ERICH1: variants seen among roughly 807,000 people sequenced by gnomAD.
ERICH1 encodes glutamate rich 1, also known as glutamate-rich protein 1.
A neutral mutation model predicts 39.6 loss-of-function variants in ERICH1; 56 were observed. That is an observed-to-expected ratio of 1.41 (90% CI 1.14 to 1.77). The LOEUF (loss-of-function observed/expected upper bound fraction) is 1.77. Among genes scored for constraint, ERICH1 ranks in the 40% most tolerant of loss-of-function variants. The probability of loss-of-function intolerance (pLI) is 0.00; values close to 1 mark genes in which losing one functional copy is unlikely to be tolerated. For missense variants in ERICH1, 826 were observed against 575.4 expected (o/e 1.44, Z -4.45); for synonymous variants, 313 against 223.6 (o/e 1.40, Z -3.57).
intron 3 of ERICH1, among the ~76,000 whole-genome samples, chr8:618,253 T>C (rs1466571554): frequency 6.6e-6 from 1 of 151,930 alleles, no homozygotes; most frequent in Non-Finnish European, 1.5e-5. Context: ...ACTTGGTCCA[T>C]CCTCACTACC....
intron 3 of ERICH1, among the ~76,000 whole-genome samples, chr8:637,885 C>G (rs1798572898): frequency 6.6e-6 from 1 of 152,216 alleles, no homozygotes; most frequent in Non-Finnish European, 1.5e-5. Flanking sequence ...AACATGTAGC[C>G]TGCTCTGGCC....
intron 3 of ERICH1, among the ~76,000 whole-genome samples, chr8:677,887 G>A (rs996146217): frequency 6.6e-6 from 1 of 152,024 alleles, no homozygotes; most frequent in South Asian, 2.1e-4. Context: ...GGCTCCTCCC[G>A]GCACGTCCTT....
At chr8:660,826 G>C (rs1317453859), downstream of ERICH1, among the ~76,000 whole-genome samples, 1 of 152,144 alleles carries the variant, frequency 6.6e-6, no homozygotes, top group African/African-American at 2.4e-5. Context: ...TGTGCTCCCT[G>C]TCTCGTTGCC....
At chr8:670,881 C>T (rs1351258112) in intron 4 of ERICH1, among the ~76,000 whole-genome samples, 1 of 151,762 alleles carries the variant, frequency 6.6e-6, no homozygotes, top group African/African-American at 2.4e-5. Context: ...CACCGGTCCC[C>T]AGGATCCAAC....
chr8:712,961 C>T (rs559973881), intron 2 of ERICH1, among the ~76,000 whole-genome samples: 1 of 152,316 alleles, frequency 6.6e-6, no homozygotes, highest in South Asian at 2.1e-4. Context: ...ACTACAAAGC[C>T]CCACAGACTG....
chr8:625,022 G>A (rs543518485), intron 3 of ERICH1, among the ~76,000 whole-genome samples: 7 of 152,198 alleles, frequency 4.6e-5, no homozygotes, highest in South Asian at 2.1e-4. Context: ...CACTGCACCC[G>A]GCCTACACAC....
At chr8:729,346 A>T (rs1819497155) in intron 1 of ERICH1, among the ~76,000 whole-genome samples, 1 of 152,162 alleles carries the variant, frequency 6.6e-6, no homozygotes, top group Admixed American at 6.5e-5. Context: ...GGACCTTGGG[A>T]AAACAGACAT....
intron 3 of ERICH1, among the ~76,000 whole-genome samples, chr8:636,778 C>T (rs950307882): frequency 7.9e-5 from 12 of 152,260 alleles, no homozygotes; most frequent in Admixed American, 3.9e-4. Flanking sequence ...CCCAGACGTG[C>T]TCCCCTGAGG....
chr8:615,575 T>A (rs954189170), intron 3 of ERICH1: 1 of 334,800 alleles, frequency 3.0e-6, no homozygotes, highest in Non-Finnish European at 5.4e-6. Flanking sequence ...TGCAGACAGC[T>A]ATTTGGCAAA....
chr8:692,976 G>A (rs1297729344), intron 2 of ERICH1, among the ~76,000 whole-genome samples: 2 of 152,082 alleles, frequency 1.3e-5, no homozygotes, highest in Admixed American at 6.6e-5. Context: ...ATCATCACAC[G>A]AGGAGTCCCT....
chr8:725,560 A>T (rs924079728), intron 1 of ERICH1, among the ~76,000 whole-genome samples: 1 of 151,906 alleles, frequency 6.6e-6, no homozygotes, highest in Non-Finnish European at 1.5e-5. Flanking sequence ...TTCCCTCTCC[A>T]GCTGTACACC....
At chr8:627,268 T>C (rs757836997) in intron 3 of ERICH1, 1 of 455,316 alleles carries the variant, frequency 2.2e-6, no homozygotes, top group Non-Finnish European at 4.4e-6. Flanking sequence ...ACACTTACCT[T>C]ACAGGATTGA....
chr8:698,795 A>G (rs733933), intron 2 of ERICH1, among the ~76,000 whole-genome samples: 15,206 of 151,646 alleles, frequency 0.1, 1,276 homozygotes, highest in East Asian at 0.44. Flanking sequence ...TCTTTTGTCC[A>G]TTTTGCTGGA....
At position 731,206 on chromosome 8, in the gene ERICH1, G is replaced by T; in HGVS notation, c.-45C>A. The T allele has an allele frequency of 6.8e-7, 1 of 1,460,424 alleles. No homozygotes were observed. The highest frequency in any genetic ancestry group is 9.0e-7 in the Non-Finnish European group (1 of 1,109,576). The allele number at this position is 1,460,424 out of a possible 1,614,324, so 90.5% of individuals were successfully genotyped here. A position where few individuals can be genotyped will look rare whatever the true frequency, so the allele number is the denominator to read the frequency against. ...CTCAGACCACGGCGCGCGGTCCTGA[G>T]CTGAGCGCCGTGCCTTCCGGGTTCC... is the stretch of plus-strand genomic sequence containing the variant. On this transcript the variant is annotated 5_prime_UTR_variant, in exon 1 of 6. Coordinates refer to ENST00000262109, the MANE Select transcript of ERICH1 (RefSeq NM_207332.3).
rs779362324 is a variant in ERICH1 at position 633,090 on chromosome 8, G to A, written c.977-17806C>T. On this transcript the variant is annotated intron_variant, in intron 3 of 3. Transcript: ENST00000522706. ...CCGCGCGGGGCCGCCCAGGACAGAC[G>A]GAAACCAGTGTGGAAACCAGTGTGG... Among the ~76,000 whole-genome samples the A allele has an allele frequency of 3.2e-4, 48 of 152,244 alleles. 1 individual carries two copies. Among genetic ancestry groups the A allele is most frequent in the Middle Eastern group, 3.4e-3 (1 of 294 alleles).
intron 2 of ERICH1, among the ~76,000 whole-genome samples, chr8:700,188 C>CAG (rs1263539820): frequency 1.3e-4 from 13 of 102,144 alleles, no homozygotes; most frequent in South Asian, 3.6e-4. Flanking sequence ...CAGGCCCGCA[C>CAG]ACGCGCACAG....
intron 3 of ERICH1, among the ~76,000 whole-genome samples, chr8:617,433 G>C (rs182368075): frequency 6.6e-6 from 1 of 152,118 alleles, no homozygotes; most frequent in African/African-American, 2.4e-5. Flanking sequence ...TATCCATTTG[G>C]TCCTCATCTG....
At chr8:688,311 C>CCGCTT (rs1413745537) in intron 3 of ERICH1, among the ~76,000 whole-genome samples, 8 of 48,110 alleles carry the variant, frequency 1.7e-4, no homozygotes, top group African/African-American at 4.6e-4. Context: ...CCGCCCCGCC[C>CCGCTT]CGGGCCACCC....
At chr8:708,113 T>A (rs1813723525) in intron 2 of ERICH1, among the ~76,000 whole-genome samples, 1 of 144,128 alleles carries the variant, frequency 6.9e-6, no homozygotes, top group South Asian at 2.2e-4. Context: ...AGGGTGGCTA[T>A]TATCTAAAAA....
Sources: gnomAD v4.1 joint callset for allele counts (sites outside exome capture counted in the v4.1 genomes callset) on GRCh38, gnomAD v4.1.1 for gene constraint, MANE v1.5 for transcripts, NCBI Gene and HGNC (gene_info 2026-07-23, HGNC 2026-07-21) for gene names.